Variants in ATP9B observed in about 807,000 individuals in gnomAD.
ATP9B encodes the protein ATPase phospholipid transporting 9B.
In ATP9B, 110 loss-of-function variants were observed where a neutral mutation model predicts 146.1. That is an observed-to-expected ratio of 0.75 (90% CI 0.65 to 0.88). The LOEUF is 0.88. Among genes scored for constraint, ATP9B ranks in the 40% least tolerant of loss-of-function variants. The pLI, the probability that ATP9B is intolerant of heterozygous loss-of-function variation, is 0.00. For synonymous variants in ATP9B, 604 were observed against 569.7 expected, an observed-to-expected ratio of 1.06 and a Z score of -0.86; for missense variants, 1,499 against 1,496.4, an observed-to-expected ratio of 1.00 and a Z score of -0.03.
intron 11 of ATP9B, among the ~76,000 whole-genome samples, chr18:79,232,034 G>A (rs1006878740): frequency 6.6e-6 from 1 of 152,034 alleles, no homozygotes; most frequent in African/African-American, 2.4e-5. Flanking sequence ...GTGGGCGAGG[G>A]ATGAAAGACT....
intron 4 of ATP9B, among the ~76,000 whole-genome samples, chr18:79,118,418 T>TTTTTTG (rs2094130947): frequency 7.3e-6 from 1 of 136,794 alleles, no homozygotes; most frequent in African/African-American, 2.8e-5. Context: ...TTTTTTTTTT[T>TTTTTTG]GAGACAGAGT....
intron 6 of ATP9B, 139 bp from the exon 7 acceptor site, chr18:79,154,365 C>T (rs537725413): frequency 4.9e-5 from 30 of 613,558 alleles, no homozygotes; most frequent in East Asian, 4.1e-4. Flanking sequence ...TTTTTATATA[C>T]AAATTGTGTT....
intron 25 of ATP9B, among the ~76,000 whole-genome samples, chr18:79,352,032 C>G (rs182855413): frequency 2.0e-5 from 3 of 152,238 alleles, no homozygotes; most frequent in East Asian, 3.9e-4. Context: ...GTTGGAGGCT[C>G]TGAGAGAGAC....
chr18:79,361,702 A>C, intron 26 of ATP9B: 2 of 875,492 alleles, frequency 2.3e-6, no homozygotes, highest in Non-Finnish European at 2.7e-6. Flanking sequence ...ATTGAAGCTA[A>C]AGAACTATTT....
At chr18:79,098,521 C>G (rs1364354116) in intron 2 of ATP9B, among the ~76,000 whole-genome samples, 1 of 151,002 alleles carries the variant, frequency 6.6e-6, no homozygotes, top group East Asian at 1.9e-4. Context: ...ACAATGAACT[C>G]AAACAAATTT....
chr18:79,153,754 C>T (rs1207573334), intron 6 of ATP9B, among the ~76,000 whole-genome samples: 1 of 151,544 alleles, frequency 6.6e-6, no homozygotes, highest in African/African-American at 2.4e-5. Context: ...TGGCTCAAGC[C>T]ATCCTCAGCC....
At chr18:79,075,853 C>T (rs2072546819) in intron 1 of ATP9B, among the ~76,000 whole-genome samples, 1 of 151,950 alleles carries the variant, frequency 6.6e-6, no homozygotes, top group Non-Finnish European at 1.5e-5. Context: ...TTTCTTTTTC[C>T]TGCCTTACGG....
chr18:79,180,975 G>GT (rs199971384), intron 8 of ATP9B, among the ~76,000 whole-genome samples: 31,410 of 140,540 alleles, frequency 0.22, 3,630 homozygotes, highest in East Asian at 0.51. Flanking sequence ...TTGTTTTTTT[G>GT]TTTTTTTTTT....
chr18:79,153,530 C>T (rs942443563), intron 6 of ATP9B, among the ~76,000 whole-genome samples: 7 of 152,158 alleles, frequency 4.6e-5, no homozygotes, highest in African/African-American at 1.4e-4. Context: ...CCTCACTTTC[C>T]AGGGCCATTT....
intron 5 of ATP9B, among the ~76,000 whole-genome samples, chr18:79,135,768 G>GT (rs2147307241): frequency 6.6e-6 from 1 of 152,196 alleles, no homozygotes; most frequent in East Asian, 1.9e-4. Context: ...TCTTCTAGAA[G>GT]TTTTTTTAGT....
At chr18:79,193,792 T>C (rs574723077) in intron 9 of ATP9B, among the ~76,000 whole-genome samples, 7 of 152,252 alleles carry the variant, frequency 4.6e-5, no homozygotes, top group African/African-American at 7.2e-5. Flanking sequence ...ATAACTGATA[T>C]TATAAATGCT....
At chr18:79,350,710 AACGCTTTTT>A (rs1382422120) in intron 25 of ATP9B, among the ~76,000 whole-genome samples, 1 of 152,090 alleles carries the variant, frequency 6.6e-6, no homozygotes, top group Non-Finnish European at 1.5e-5. Context: ...AATAAGTGCT[AACGCTTTTT>A]AAATAAGTTT....
intron 25 of ATP9B, among the ~76,000 whole-genome samples, chr18:79,355,433 C>G (rs1031164977): frequency 6.6e-6 from 1 of 152,036 alleles, no homozygotes; most frequent in African/African-American, 2.4e-5. Context: ...AAATGGAAAT[C>G]TTAGAGATGA....
rs140529670 is a variant in ATP9B, at chr18:79,368,127, C to T, written c.3013-4698C>T. 6.5e-3 allele frequency among the ~76,000 whole-genome samples: 988 copies of T among 152,296 alleles called. 5 individuals carry two copies. The highest frequency in any genetic ancestry group is 0.022 in the African/African-American group (922 of 41,556). On this transcript the variant is annotated intron_variant, in intron 26 of 29. Coordinates refer to ENST00000426216, the MANE Select transcript of ATP9B (RefSeq NM_198531.5). ...CCGTGGCCCCGGGTGAGCTGGAGGG[C>T]GCCATGGGGCTGTCTGCGCTGCTTC... is the stretch of plus-strand genomic sequence containing the variant.
chr18:79,325,558 A>G (rs1193041797), intron 15 of ATP9B, among the ~76,000 whole-genome samples: 1 of 152,180 alleles, frequency 6.6e-6, no homozygotes, highest in Admixed American at 6.5e-5. Context: ...TAATTCCTTA[A>G]CTAGAGCCTA....
intron 26 of ATP9B, among the ~76,000 whole-genome samples, chr18:79,372,175 C>CTCCCCTGCCTCCTGCCCCCTCG (rs767149651): frequency 3.0e-4 from 32 of 105,798 alleles, no homozygotes; most frequent in African/African-American, 9.6e-4. Flanking sequence ...TGGGCCAGAG[C>CTCCCCTGCCTCCTGCCCCCTCG]TCCCCTGCCT....
intron 1 of ATP9B, among the ~76,000 whole-genome samples, chr18:79,071,740 A>G (rs147977698): frequency 1.3e-5 from 2 of 152,142 alleles, no homozygotes; most frequent in Non-Finnish European, 2.9e-5. Context: ...TCTGATTAGG[A>G]TGCTGCTGTC....
intron 9 of ATP9B, among the ~76,000 whole-genome samples, chr18:79,203,930 C>A (rs1215339783): frequency 1.3e-5 from 2 of 152,150 alleles, no homozygotes; most frequent in Non-Finnish European, 2.9e-5. Flanking sequence ...GACTGTAACA[C>A]CATTTGTTTG....
intron 8 of ATP9B, among the ~76,000 whole-genome samples, chr18:79,184,410 G>A (rs1294201084): frequency 2.0e-5 from 3 of 151,932 alleles, no homozygotes; most frequent in African/African-American, 2.4e-5. Context: ...AGAATCGTGC[G>A]TCACTCCAGC....
Sources: allele counts gnomAD v4.1 joint callset (sites outside exome capture counted in the v4.1 genomes callset), GRCh38; gene constraint gnomAD v4.1.1; transcripts MANE v1.5; gene names NCBI Gene and HGNC (gene_info 2026-07-23, HGNC 2026-07-21).